The following RSF1 variants were observed in gnomAD, a reference collection of about 807,000 sequenced individuals.
RSF1 encodes remodeling and spacing factor 1.
In RSF1, 13 loss-of-function variants were observed where a neutral mutation model predicts 145.2. The observed-to-expected ratio is 0.09, with a 90% CI of 0.06 to 0.14. RSF1 has a LOEUF of 0.14. Among genes scored for constraint, RSF1 ranks in the 10% least tolerant of loss-of-function variants. The pLI, the probability that RSF1 is intolerant of heterozygous loss-of-function variation, is 1.00. For missense variants in RSF1, 1,517 were observed against 1,718.2 expected (o/e 0.88, Z 2.07); for synonymous variants, 577 against 592.6 (o/e 0.97, Z 0.38).
rs939662106 is a variant in RSF1 at position 77,685,382 on chromosome 11, A to G, written c.2901-223T>C. 6.6e-5 allele frequency among the ~76,000 whole-genome samples: 10 copies of G among 152,070 alleles called. No homozygotes were observed. In the South Asian group the frequency reaches 2.1e-3, roughly 31 times the overall value. ...GTAATCTTAGCTCACTGCAACCTCT[A>G]CTTCCCGGGTTCAAGTGATTCTACT... is the stretch of plus-strand genomic sequence containing the variant. On this transcript the variant is annotated intron_variant, in intron 9 of 15. Coordinates refer to ENST00000308488, the MANE Select transcript of RSF1 (RefSeq NM_016578.4).
intron 4 of RSF1, among the ~76,000 whole-genome samples, chr11:77,732,099 G>A (rs895430670): frequency 2.0e-5 from 3 of 152,174 alleles, no homozygotes; most frequent in African/African-American, 4.8e-5. Flanking sequence ...GGCTGTACAG[G>A]GGCGCAGCTG....
chr11:77,698,129 T>C (rs758708940), intron 7 of RSF1, among the ~76,000 whole-genome samples: 5 of 152,180 alleles, frequency 3.3e-5, no homozygotes, highest in African/African-American at 4.8e-5. Flanking sequence ...TACTGGCATG[T>C]GGCCACCATG....
chr11:77,737,454 CA>C (rs397963793), intron 4 of RSF1, among the ~76,000 whole-genome samples: 122 of 124,220 alleles, frequency 9.8e-4, no homozygotes, highest in Admixed American at 1.7e-3. Flanking sequence ...GATCCTGTCT[CA>C]AAAAAAAAAA....
chr11:77,753,330 C>T lies in RSF1; in HGVS notation c.280-6202G>A, dbSNP rs1166571389. Among the ~76,000 whole-genome samples, 4 of 152,190 alleles carry T rather than the reference C, an allele frequency of 2.6e-5. No homozygotes were observed. The East Asian group carries it at 7.7e-4, about 29-fold the overall frequency. ...GAGATCTAATCTAGCCAACTCCCAT[C>T]TTGCCTTTAATCTGCCCTTAATTAT... On this transcript the variant is annotated intron_variant, in intron 2 of 15. Coordinates refer to ENST00000308488, the MANE Select transcript of RSF1 (RefSeq NM_016578.4).
chr11:77,843,824 CA>C, the RSF1 span, among the ~76,000 whole-genome samples: 1 of 152,094 alleles, frequency 6.6e-6, no homozygotes, highest in East Asian at 1.9e-4. Flanking sequence ...AATGGACTTA[CA>C]GTTCCACATG....
At chr11:77,728,032 C>T (rs1347403854) in intron 4 of RSF1, among the ~76,000 whole-genome samples, 2 of 152,262 alleles carry the variant, frequency 1.3e-5, no homozygotes, top group East Asian at 1.9e-4. Flanking sequence ...ACACTATGTA[C>T]AGAATATTTT....
intron 2 of RSF1, among the ~76,000 whole-genome samples, chr11:77,752,234 T>C (rs1156239319): frequency 2.0e-5 from 3 of 152,066 alleles, no homozygotes; most frequent in African/African-American, 7.2e-5. Context: ...GGTTGCAAGG[T>C]GGAATGCTGG....
chr11:77,855,219 C>T, the RSF1 span: 1 of 152,360 alleles, frequency 6.6e-6, no homozygotes, highest in East Asian at 1.9e-4. Context: ...AAATTCCTTC[C>T]AGGAATTTTC....
chr11:77,808,595 G>A (rs1231637291), intron 1 of RSF1, among the ~76,000 whole-genome samples: 2 of 93,994 alleles, frequency 2.1e-5, no homozygotes, highest in African/African-American at 1.1e-4. Flanking sequence ...GTGCAGTGGC[G>A]GGATCTCGGC....
intron 2 of RSF1, among the ~76,000 whole-genome samples, chr11:77,754,039 T>C (rs1351307360): frequency 6.6e-6 from 1 of 152,204 alleles, no homozygotes; most frequent in Non-Finnish European, 1.5e-5. Flanking sequence ...TGAATAATAA[T>C]TATGACTCTG....
At chr11:77,868,217 G>A in the RSF1 span, among the ~76,000 whole-genome samples, 30 of 147,452 alleles carry the variant, frequency 2.0e-4, no homozygotes, top group Non-Finnish European at 4.3e-4. Context: ...TACCTGGCCC[G>A]GCTAATTTTT....
chr11:77,729,895 C>CAAAAAAAAAAAAAAAAAAAAAAAAAA lies in RSF1; in HGVS notation c.579-4222_579-4197dup, dbSNP rs398045289. On this transcript the variant is annotated intron_variant, in intron 4 of 15. Coordinates refer to ENST00000308488, the MANE Select transcript of RSF1 (RefSeq NM_016578.4). ...TATAAATGCCAAATTATTCAGTAGG[C>CAAAAAAAAAAAAAAAAAAAAAAAAAA]AAAAAAAAAAAAAAAAAAAAAAAAA... 9.8e-4 allele frequency among the ~76,000 whole-genome samples: 48 copies of CAAAAAAAAAAAAAAAAAAAAAAAAAA among 48,940 alleles called. 11 individuals are homozygous for CAAAAAAAAAAAAAAAAAAAAAAAAAA. The highest frequency in any genetic ancestry group is 1.7e-3 in the Non-Finnish European group (38 of 22,364). 32.1% of individuals were successfully genotyped at this position (48,940 alleles called of 152,430 possible). A position where few individuals can be genotyped will look rare whatever the true frequency, so the allele number is the denominator to read the frequency against.
the RSF1 span, among the ~76,000 whole-genome samples, chr11:77,847,327 T>C: frequency 6.6e-6 from 1 of 152,230 alleles, no homozygotes; most frequent in Non-Finnish European, 1.5e-5. Flanking sequence ...TGGCATTTGG[T>C]TTAAGGAAAC....
Position 77,702,226 on chromosome 11 carries a change from C to G in RSF1, c.1003G>C (p.Asp335His), listed in dbSNP as rs199883694. ...GGCTTCTCCATGCTACTTTTGGTATCTTTAGGATCTGCTCTACATTCCTTC... is the reference window on the plus strand; with the variant it reads ...GGCTTCTCCATGCTACTTTTGGTATGTTTAGGATCTGCTCTACATTCCTTC... ...EVKECRADPK[D>H]TKSSMEKPVA... Residue 335 changes from aspartate (D) to histidine (H), a missense_variant, in exon 6 of 16, where the codon GAT becomes CAT. Transcript: ENST00000308488. The G allele has an allele frequency of 3.2e-5, 51 of 1,613,726 alleles. No individual in the cohort carries two copies. The highest frequency in any genetic ancestry group is 4.3e-5 in the Non-Finnish European group (51 of 1,179,950).
intron 3 of RSF1, among the ~76,000 whole-genome samples, chr11:77,743,537 G>C (rs1947965076): frequency 6.6e-6 from 1 of 152,086 alleles, no homozygotes; most frequent in Non-Finnish European, 1.5e-5. Flanking sequence ...TTTATGAGTA[G>C]AAACACTTCT....
chr11:77,689,271 A>AT (rs1334742150), intron 9 of RSF1, among the ~76,000 whole-genome samples: 1 of 152,004 alleles, frequency 6.6e-6, no homozygotes, highest in Non-Finnish European at 1.5e-5. Context: ...TTACCAGAGC[A>AT]TTTTTTTCTG....
At chr11:77,849,998 C>T in the RSF1 span, among the ~76,000 whole-genome samples, 1 of 152,184 alleles carries the variant, frequency 6.6e-6, no homozygotes, top group Non-Finnish European at 1.5e-5. Context: ...AAGTGGTAAA[C>T]TCCCTAAGGT....
In RSF1 at chr11:77,676,906, C is replaced by T. The variant is rs943750760; in HGVS notation, c.3227G>A (p.Arg1076Gln). The T allele has an allele frequency of 1.2e-5, 19 of 1,614,002 alleles. No homozygotes were observed. Among genetic ancestry groups the T allele is most frequent in the East Asian group, 1.1e-4 (5 of 44,872 alleles). The change falls in exon 13 of 16, where the codon CGA becomes CAA. Residue 1076 changes from arginine (R) to glutamine (Q), a missense_variant. Physicochemically the swap from Arg to Gln is conservative, Grantham distance 43. Coordinates refer to ENST00000308488, the MANE Select transcript of RSF1 (RefSeq NM_016578.4). ...TCGAGCAGCAGCTGCCCTCTGGGGT[C>T]GTTTATTTTCTTTTCTTTCTTCATC... Reference protein sequence around the residue: ...ILDEERKENKRPQRAAAARRK... With the variant: ...ILDEERKENKQPQRAAAARRK...
rs1344636165 is a variant in RSF1, at chr11:77,661,678, T to C, written c.*5239A>G. The stretch of plus-strand genomic sequence containing the variant: ...ACAATTGTAAAAAATCTACATCCTA[T>C]TTTAGGGTATTTTCCCACCTCCCAT... On this transcript the variant is annotated 3_prime_UTR_variant, in exon 16 of 16. Transcript: ENST00000308488. 1 of 152,010 alleles carries C rather than the reference T, an allele frequency of 6.6e-6. No homozygotes were observed. The allele number at this position is 152,010 out of a possible 1,614,324, so 9.4% of individuals were successfully genotyped here.
Sources: allele counts gnomAD v4.1 joint callset (sites outside exome capture counted in the v4.1 genomes callset), GRCh38; gene constraint gnomAD v4.1.1; transcripts MANE v1.5; gene names NCBI Gene and HGNC (gene_info 2026-07-23, HGNC 2026-07-21).